The following USH2A variants were observed in gnomAD, a reference collection of about 807,000 sequenced individuals.
USH2A encodes Usher syndrome 2A (autosomal recessive, mild).
A neutral mutation model predicts 538.9 loss-of-function variants in USH2A; 443 were observed. The observed-to-expected ratio is 0.82, with a 90% CI of 0.76 to 0.89. The LOEUF (loss-of-function observed/expected upper bound fraction) is 0.89, where lower values mean the gene tolerates loss of function less well. Among genes scored for constraint, USH2A ranks in the 40% least tolerant of loss-of-function variants. The pLI, the probability that USH2A is intolerant of heterozygous loss-of-function variation, is 0.00. For missense variants in USH2A, 6,633 were observed against 6,324.8 expected (o/e 1.05, Z -1.65); for synonymous variants, 2,413 against 2,273.5 (o/e 1.06, Z -1.75).
rs769386956 is a variant in USH2A, at chr1:215,634,598, A to T, written c.15158T>A (p.Ile5053Asn). The change falls in exon 70 of 72, where the codon ATC becomes AAC. Residue 5053 changes from isoleucine to asparagine, a missense_variant. Coordinates refer to ENST00000307340, the MANE Select transcript of USH2A (RefSeq NM_206933.4). ...CAGGGACAGAAAAATGGCCAACAAG[A>T]TCAAGCCCAGCATCGCCATTAACAC... ...FIVLMAMLGL[I>N]LLAIFLSLIL... is the part of the protein sequence containing the mutation. 14 of 1,614,068 alleles carry T rather than the reference A, an allele frequency of 8.7e-6. No individual in the cohort carries two copies. In the African/African-American group the frequency reaches 1.9e-4, roughly 22 times the overall value.
chr1:216,350,390 A>G (rs754982403), intron 4 of USH2A, among the ~76,000 whole-genome samples: 7 of 152,156 alleles, frequency 4.6e-5, no homozygotes, highest in South Asian at 2.1e-4. Flanking sequence ...TCCAAAGTCC[A>G]AAGTCTCATC....
At chr1:216,224,554 C>T (rs2035524315) in intron 14 of USH2A, among the ~76,000 whole-genome samples, 1 of 152,080 alleles carries the variant, frequency 6.6e-6, no homozygotes, top group African/African-American at 2.4e-5. Flanking sequence ...GAATAAACCA[C>T]TTAGATGGAA....
At chr1:215,972,617 A>C (rs1558189127) in intron 35 of USH2A, among the ~76,000 whole-genome samples, 1 of 152,200 alleles carries the variant, frequency 6.6e-6, no homozygotes, top group Non-Finnish European at 1.5e-5. Context: ...TTAGGATTAA[A>C]GCATTTTTTG....
intron 29 of USH2A, chr1:216,072,488 C>T: frequency 3.5e-6 from 1 of 286,342 alleles, no homozygotes; most frequent in South Asian, 3.6e-5. Context: ...AATGTGCTTT[C>T]TGTGAGAAAG....
intron 61 of USH2A, among the ~76,000 whole-genome samples, chr1:215,710,781 T>C (rs889563403): frequency 6.6e-6 from 1 of 152,160 alleles, no homozygotes; most frequent in Non-Finnish European, 1.5e-5. Flanking sequence ...TGTAGACCCT[T>C]AATTTTCTGA....
chr1:216,325,339 G>A lies in USH2A; in HGVS notation c.1109C>T (p.Thr370Ile), dbSNP rs1293861841. 1.9e-6 allele frequency: 3 copies of A among 1,613,764 alleles called. No individual in the cohort carries two copies. Among genetic ancestry groups the A allele is most frequent in the Non-Finnish European group, 1.7e-6 (2 of 1,179,840 alleles). Residue 370 changes from threonine (T) to isoleucine (I), a missense_variant, in exon 6 of 72, where the codon ACT becomes ATT. Transcript: ENST00000307340. ...TCCATTTTCCAAATCAACTGAAATA[G>A]TCACTCCTTGATTAAGCTGTGTAAT... ...TNITQLNQGV[T>I]ISVDLENGQY... is the part of the protein sequence containing the mutation.
intron 49 of USH2A, among the ~76,000 whole-genome samples, chr1:215,802,022 G>A (rs1457306101): frequency 1.8e-5 from 2 of 113,090 alleles, no homozygotes; most frequent in Non-Finnish European, 4.1e-5. Context: ...ATGAGGAAAG[G>A]ACCTTTTTTT....
intron 21 of USH2A, among the ~76,000 whole-genome samples, chr1:216,112,762 A>G (rs577217401): frequency 2.4e-4 from 36 of 152,008 alleles, no homozygotes; most frequent in African/African-American, 8.4e-4. Flanking sequence ...CTCCAGCTCT[A>G]TGTTCCTGCA....
Position 216,198,551 on chromosome 1 carries a change from C to T in USH2A, c.3845G>A (p.Arg1282Lys). The T allele has an allele frequency of 6.2e-7, 1 of 1,613,556 alleles. No homozygotes were observed. The change falls in exon 18 of 72, where the codon AGA (arginine) becomes AAA (lysine). Residue 1282 changes from arginine (R) to lysine (K), a missense_variant. Coordinates refer to ENST00000307340, the MANE Select transcript of USH2A (RefSeq NM_206933.4). Reference sequence around the variant, plus strand: ...TGTGGTTTCTTTAGTAGATCTCAGTCTTCTCATGTATAGTTCATATCTTAT... The same window carrying T: ...TGTGGTTTCTTTAGTAGATCTCAGTTTTCTCATGTATAGTTCATATCTTAT... ...IIIRYELYMR[R>K]LRSTKETTSE...
intron 9 of USH2A, among the ~76,000 whole-genome samples, chr1:216,312,643 T>C (rs2037442702): frequency 6.6e-6 from 1 of 152,102 alleles, no homozygotes; most frequent in African/African-American, 2.4e-5. Context: ...TTTGCTTCTT[T>C]GTCAGAATTT....
intron 32 of USH2A, among the ~76,000 whole-genome samples, chr1:216,009,797 T>C (rs1668499940): frequency 6.6e-6 from 1 of 152,190 alleles, no homozygotes; most frequent in Non-Finnish European, 1.5e-5. Flanking sequence ...TACAGTTTCG[T>C]TCCATGACTA....
At chr1:216,256,528 C>A (rs2036263256) in intron 11 of USH2A, among the ~76,000 whole-genome samples, 1 of 151,876 alleles carries the variant, frequency 6.6e-6, no homozygotes, top group African/African-American at 2.4e-5. Context: ...CCTTGAACAA[C>A]ATGGGTTATC....
intron 55 of USH2A, among the ~76,000 whole-genome samples, chr1:215,769,797 T>A (rs867624004): frequency 6.6e-6 from 1 of 151,948 alleles, no homozygotes; most frequent in Non-Finnish European, 1.5e-5. Flanking sequence ...TATTATCAAA[T>A]CAAGAGGAGT....
chr1:216,229,400 C>T (rs533030477), intron 14 of USH2A, among the ~76,000 whole-genome samples: 14 of 151,882 alleles, frequency 9.2e-5, no homozygotes, highest in East Asian at 2.0e-4. Flanking sequence ...ACTGCAGCCT[C>T]GACCTTCCAG....
chr1:215,675,787 G>T (rs1658004352), intron 62 of USH2A, among the ~76,000 whole-genome samples, 171 bp from the exon 63 acceptor site: 1 of 151,602 alleles, frequency 6.6e-6, no homozygotes, highest in Non-Finnish European at 1.5e-5. Flanking sequence ...TTAACATAAG[G>T]CCCACAGAGA....
intron 58 of USH2A, among the ~76,000 whole-genome samples, chr1:215,754,872 C>T (rs207461102): frequency 6.6e-6 from 1 of 152,190 alleles, no homozygotes; most frequent in African/African-American, 2.4e-5. Flanking sequence ...TGGTAAATCA[C>T]ATCTATTCCT....
chr1:216,255,571 T>C (rs1422577675), intron 11 of USH2A, among the ~76,000 whole-genome samples: 2 of 152,194 alleles, frequency 1.3e-5, no homozygotes, highest in Non-Finnish European at 2.9e-5. Flanking sequence ...TAATTTAATT[T>C]AACTGCAGCC....
At chr1:216,334,783 T>C (rs1207655991) in intron 4 of USH2A, among the ~76,000 whole-genome samples, 1 of 151,896 alleles carries the variant, frequency 6.6e-6, no homozygotes, top group Non-Finnish European at 1.5e-5. Context: ...TATAATCATG[T>C]ATGTGTCTAA....
rs1319151964 is a variant in USH2A, at chr1:215,766,195, TGATGTCATC to T, written c.11047+477_11047+485del. Among the ~76,000 whole-genome samples the T allele has an allele frequency of 4.6e-5, 7 of 152,312 alleles. No homozygotes were observed. The South Asian group carries it at 1.4e-3, about 32-fold the overall frequency. On this transcript the variant is annotated intron_variant, in intron 56 of 71. Transcript: ENST00000307340. ...GTCATCTGCTCCATAAAGCCTTTTT[TGATGTCATC>T]GATGGGTTTCTATCTCTTCCTCTTC... is the stretch of plus-strand genomic sequence containing the variant.
Sources: allele counts gnomAD v4.1 joint callset (sites outside exome capture counted in the v4.1 genomes callset), GRCh38; gene constraint gnomAD v4.1.1; transcripts MANE v1.5; gene names NCBI Gene and HGNC (gene_info 2026-07-23, HGNC 2026-07-21).